RBFOX1: variants seen among roughly 807,000 people sequenced by gnomAD.
The protein encoded by RBFOX1 is RNA binding fox-1 homolog 1, also known as RNA binding protein fox-1 homolog 1.
RBFOX1 carries 8 observed loss-of-function variants against 57.7 expected under a neutral mutation model. The observed-to-expected ratio is 0.14, with a 90% CI of 0.08 to 0.25. The LOEUF (loss-of-function observed/expected upper bound fraction) is 0.25. Among genes scored for constraint, RBFOX1 ranks in the 10% least tolerant of loss-of-function variants. The pLI, the probability that RBFOX1 is intolerant of heterozygous loss-of-function variation, is 1.00. For synonymous variants in RBFOX1, 326 were observed against 222.4 expected (o/e 1.47, Z -4.15); for missense variants, 611 against 548.5 (o/e 1.11, Z -1.14).
intron 2 of RBFOX1, among the ~76,000 whole-genome samples, chr16:5,501,317 A>T (rs12921842): frequency 8.3e-6 from 1 of 121,136 alleles, no homozygotes; most frequent in African/African-American, 4.0e-5. Flanking sequence ...GACTCTGTCT[A>T]CAAAAAAAAA....
intron 3 of RBFOX1, chr16:6,748,982 A>C (rs1178373849): frequency 6.6e-6 from 1 of 152,154 alleles, no homozygotes; most frequent in African/African-American, 2.4e-5. Context: ...CTAATTGATA[A>C]AATAAAAATA....
At chr16:5,270,517 A>C (rs1199806562) in intron 1 of RBFOX1, 1 of 645,464 alleles carries the variant, frequency 1.5e-6, no homozygotes, top group Non-Finnish European at 2.9e-6. Context: ...CCATGGTTGA[A>C]AAATGTTCAA....
At chr16:7,637,986 C>T (rs1016055467) in intron 11 of RBFOX1, among the ~76,000 whole-genome samples, 7 of 152,122 alleles carry the variant, frequency 4.6e-5, no homozygotes, top group South Asian at 4.2e-4. Flanking sequence ...ATGGCTTAAT[C>T]CAGCACTATT....
At chr16:6,919,942 T>G (rs921259708) in intron 3 of RBFOX1, among the ~76,000 whole-genome samples, 3 of 152,028 alleles carry the variant, frequency 2.0e-5, no homozygotes, top group Non-Finnish European at 1.5e-5. Context: ...CCCTCCCACT[T>G]TTCCCCTCTG....
intron 2 of RBFOX1, among the ~76,000 whole-genome samples, chr16:5,548,020 G>C (rs529035671): frequency 1.2e-4 from 18 of 151,448 alleles, no homozygotes; most frequent in African/African-American, 4.4e-4. Flanking sequence ...AATTAACCGG[G>C]CGTGGTGGCT....
At chr16:5,984,527 A>G in intron 4 of RBFOX1, among the ~76,000 whole-genome samples, 1 of 152,074 alleles carries the variant, frequency 6.6e-6, no homozygotes, top group East Asian at 1.9e-4. Flanking sequence ...AAAAGGTTTC[A>G]TTGACAGGAA....
At chr16:6,908,153 C>G (rs926165846) in intron 3 of RBFOX1, among the ~76,000 whole-genome samples, 3 of 151,728 alleles carry the variant, frequency 2.0e-5, no homozygotes, top group African/African-American at 7.2e-5. Context: ...CAGCTCCTAA[C>G]AATCTACTTC....
chr16:5,764,523 G>A (rs897801257), intron 3 of RBFOX1, among the ~76,000 whole-genome samples: 21 of 152,134 alleles, frequency 1.4e-4, no homozygotes, highest in African/African-American at 5.1e-4. Context: ...ATGCAAGAAT[G>A]GCTTAACACA....
At chr16:7,046,080 A>G (rs1231067376) in intron 3 of RBFOX1, among the ~76,000 whole-genome samples, 1 of 151,852 alleles carries the variant, frequency 6.6e-6, no homozygotes, top group African/African-American at 2.4e-5. Context: ...AATGCCCTGT[A>G]TGTCACAAAG....
chr16:7,218,667 T>TGC (rs1567757360), intron 4 of RBFOX1, among the ~76,000 whole-genome samples: 6 of 148,096 alleles, frequency 4.1e-5, no homozygotes, highest in African/African-American at 1.0e-4. Flanking sequence ...TGTGTGTGTG[T>TGC]GTGTGTGTGT....
At chr16:6,084,383 A>G (rs1034290810) in intron 1 of RBFOX1, among the ~76,000 whole-genome samples, 1 of 152,098 alleles carries the variant, frequency 6.6e-6, no homozygotes, top group Non-Finnish European at 1.5e-5. Flanking sequence ...AGCTGGGACC[A>G]TAGCTATGAA....
intron 1 of RBFOX1, among the ~76,000 whole-genome samples, chr16:6,254,004 G>A (rs2097644962): frequency 6.6e-6 from 1 of 152,112 alleles, no homozygotes. Context: ...AAGGTTCCAT[G>A]ACAAACATAC....
chr16:5,865,925 GGA>G (rs2057334319), intron 3 of RBFOX1, among the ~76,000 whole-genome samples: 1 of 151,418 alleles, frequency 6.6e-6, no homozygotes, highest in African/African-American at 2.4e-5. Context: ...AGGGAGAGAG[GGA>G]GAGAGAGAAA....
intron 2 of RBFOX1, among the ~76,000 whole-genome samples, chr16:6,372,338 G>T (rs895755643): frequency 2.0e-5 from 3 of 151,914 alleles, no homozygotes; most frequent in African/African-American, 7.3e-5. Context: ...GTGGAGACTT[G>T]GTGGAAGTAT....
At chr16:6,104,598 C>A (rs901095452) in intron 1 of RBFOX1, among the ~76,000 whole-genome samples, 2 of 152,158 alleles carry the variant, frequency 1.3e-5, no homozygotes, top group Admixed American at 6.5e-5. Flanking sequence ...CCCAGGCAAC[C>A]ACTAATCTAT....
chr16:6,513,080 A>T (rs895799555), intron 2 of RBFOX1, among the ~76,000 whole-genome samples: 2 of 152,220 alleles, frequency 1.3e-5, no homozygotes, highest in African/African-American at 4.8e-5. Flanking sequence ...GAAGAATCCA[A>T]GTCAGCCAGT....
chr16:6,544,443 C>T (rs148895155), intron 2 of RBFOX1, among the ~76,000 whole-genome samples: 103 of 152,300 alleles, frequency 6.8e-4, no homozygotes, highest in African/African-American at 1.4e-3. Context: ...CTTAGTTGAA[C>T]GGATGTTCTG....
At chr16:6,999,216 A>ATTTTTTTTTTTTTTTTT (rs374767232) in intron 3 of RBFOX1, among the ~76,000 whole-genome samples, 5 of 109,030 alleles carry the variant, frequency 4.6e-5, no homozygotes, top group African/African-American at 1.4e-4. Context: ...ATTTTTATTT[A>ATTTTTTTTTTTTTTTTT]TTTTTTTTAT....
chr16:7,250,761 C>G (rs1035570267), intron 4 of RBFOX1, among the ~76,000 whole-genome samples: 2 of 152,158 alleles, frequency 1.3e-5, no homozygotes, highest in Admixed American at 6.5e-5. Context: ...TGTGTATGAC[C>G]TTTATGTCAT....
Sources: allele counts gnomAD v4.1 joint callset (sites outside exome capture counted in the v4.1 genomes callset), GRCh38; gene constraint gnomAD v4.1.1; transcripts MANE v1.5; gene names NCBI Gene and HGNC (gene_info 2026-07-23, HGNC 2026-07-21).